Variants in LRP2 observed in about 807,000 individuals in gnomAD.
LRP2 encodes the protein low-density lipoprotein receptor-related protein 2.
LRP2 carries 172 observed loss-of-function variants against 531.0 expected under a neutral mutation model. The observed-to-expected ratio is 0.32, with a 90% CI of 0.29 to 0.37. The LOEUF is 0.37. LRP2 is among the 10% of genes least tolerant of loss of function. LRP2 has a pLI of 1.00. For missense variants in LRP2, 5,167 were observed against 5,868.3 expected, an observed-to-expected ratio of 0.88 and a Z score of 3.90; for synonymous variants, 1,992 against 2,027.6, an observed-to-expected ratio of 0.98 and a Z score of 0.47.
intron 3 of LRP2, among the ~76,000 whole-genome samples, chr2:169,311,361 C>A (rs1395064769): frequency 6.6e-6 from 1 of 152,224 alleles, no homozygotes; most frequent in East Asian, 1.9e-4. Flanking sequence ...TCCCTCTACA[C>A]ACGCTTTAAG....
intron 1 of LRP2, among the ~76,000 whole-genome samples, chr2:169,336,793 C>G (rs1044755192): frequency 1.3e-5 from 2 of 152,176 alleles, no homozygotes; most frequent in African/African-American, 2.4e-5. Context: ...TGTCCACAAC[C>G]GTTTGGCTAT....
chr2:169,204,093 T>G lies in LRP2; in HGVS notation c.7894A>C (p.Asn2632His), dbSNP rs17848169. ...ATTCCCCTGGGCTGGGAGAGCAAATTTGTGGTCATTGCAATCTGACCTGAC... is the reference window on the plus strand; with the variant it reads ...ATTCCCCTGGGCTGGGAGAGCAAATGTGTGGTCATTGCAATCTGACCTGAC... ...DGSGQIAMTT[N>H]LLSQPRGINT... is the part of the protein sequence containing the mutation. Residue 2632 changes from asparagine to histidine, a missense_variant, in exon 42 of 79, where the codon AAT becomes CAT. Physicochemically the swap from Asn to His is moderately conservative, Grantham distance 68 (BLOSUM62 1). Coordinates refer to ENST00000649046, the MANE Select transcript of LRP2 (RefSeq NM_004525.3). 15 of 1,614,034 alleles carry G rather than the reference T, an allele frequency of 9.3e-6. No individual in the cohort carries two copies. The highest frequency in any genetic ancestry group is 1.2e-5 in the Non-Finnish European group (14 of 1,180,024).
chr2:169,181,477 G>A lies in LRP2; in HGVS notation c.10140C>T (p.Tyr3380=), dbSNP rs1687428781. ...TGTAACCCAGGTGGGCATCTGCCCA[G>A]TAGAGTAGATCATTGGTGTAATCAA... is the stretch of plus-strand genomic sequence containing the variant. ...ITIDYTNDLL[Y]WADAHLGYIE... The change falls in exon 52 of 79, where the codon TAC becomes TAT. Residue 3380 remains tyrosine (Y), a synonymous_variant. Coordinates refer to ENST00000649046, the MANE Select transcript of LRP2 (RefSeq NM_004525.3). The A allele has an allele frequency of 6.2e-7, 1 of 1,614,032 alleles. No individual in the cohort carries two copies. Among genetic ancestry groups the A allele is most frequent in the African/African-American group, 1.3e-5 (1 of 74,948 alleles).
chr2:169,331,063 C>A (rs1685251616), intron 1 of LRP2, among the ~76,000 whole-genome samples: 2 of 152,124 alleles, frequency 1.3e-5, no homozygotes, highest in African/African-American at 4.8e-5. Flanking sequence ...TGGAATGCTC[C>A]ATTCCATCAC....
intron 1 of LRP2, among the ~76,000 whole-genome samples, chr2:169,328,247 A>T (rs1685165883): frequency 9.3e-6 from 1 of 107,676 alleles, no homozygotes; most frequent in Admixed American, 8.7e-5. Context: ...TGGGGGGGTC[A>T]GCGCCCCGCC....
intron 1 of LRP2, among the ~76,000 whole-genome samples, chr2:169,326,362 C>T (rs1269368590): frequency 6.6e-6 from 1 of 151,110 alleles, no homozygotes; most frequent in African/African-American, 2.4e-5. Flanking sequence ...ATTGCAGGCG[C>T]GCGCCACCAC....
intron 49 of LRP2, among the ~76,000 whole-genome samples, chr2:169,187,037 A>G (rs1004709998): frequency 2.9e-4 from 44 of 152,282 alleles, no homozygotes; most frequent in African/African-American, 9.1e-4. Flanking sequence ...CAATAGAGCA[A>G]AAGCCAGTTT....
intron 1 of LRP2, among the ~76,000 whole-genome samples, chr2:169,354,616 G>A (rs1210662651): frequency 2.6e-5 from 4 of 152,152 alleles, no homozygotes; most frequent in African/African-American, 9.7e-5. Context: ...AATCAGAAGT[G>A]TCCTAATATA....
chr2:169,350,723 C>CAAAAAAAAAA (rs35301449), intron 1 of LRP2, among the ~76,000 whole-genome samples: 1 of 68,222 alleles, frequency 1.5e-5, no homozygotes. Context: ...GACTCCATCG[C>CAAAAAAAAAA]AAAAAAAAAA....
intron 3 of LRP2, among the ~76,000 whole-genome samples, chr2:169,309,846 C>G (rs1440233073): frequency 6.6e-6 from 1 of 152,178 alleles, no homozygotes; most frequent in Non-Finnish European, 1.5e-5. Context: ...TTGATTCTTC[C>G]TATCCATAAG....
intron 3 of LRP2, among the ~76,000 whole-genome samples, chr2:169,313,590 A>C (rs1194837658): frequency 6.6e-6 from 1 of 152,132 alleles, no homozygotes; most frequent in African/African-American, 2.4e-5. Flanking sequence ...TCAGAGGGGC[A>C]CCTGGCCGTA....
At chr2:169,342,260 A>G in intron 1 of LRP2, among the ~76,000 whole-genome samples, 1 of 152,168 alleles carries the variant, frequency 6.6e-6, no homozygotes, top group East Asian at 1.9e-4. Context: ...TTGAAAAGAC[A>G]TGTCTAATAT....
In LRP2 at chr2:169,197,227, A is replaced by G. The variant is rs150117200; in HGVS notation, c.8579-197T>C. ...ACAGAAGGAAGTCAATCCTGCCCCA[A>G]TTCCCCAATTTGTTTTTCTAGATTC... is the stretch of plus-strand genomic sequence containing the variant. On this transcript the variant is annotated intron_variant, in intron 45 of 78. Transcript: ENST00000649046. Among the ~76,000 whole-genome samples the G allele has an allele frequency of 2.8e-4, 43 of 152,030 alleles. No homozygotes were observed. In the East Asian group the frequency reaches 7.4e-3, roughly 26 times the overall value.
At chr2:169,202,698 A>T (rs1380449792) in intron 43 of LRP2, 58 bp downstream of exon 43, 15 of 1,554,130 alleles carry the variant, frequency 9.7e-6, no homozygotes, top group Non-Finnish European at 9.8e-6. Context: ...TTCCATACCA[A>T]ACACTTGACA....
chr2:169,150,935 C>G lies in LRP2; in HGVS notation c.12553G>C (p.Asp4185His), dbSNP rs1686095661. The G allele has an allele frequency of 6.2e-7, 1 of 1,613,946 alleles. No individual in the cohort carries two copies. The highest frequency in any genetic ancestry group is 1.7e-5 in the Admixed American group (1 of 59,998). The change falls in exon 68 of 79, where the codon GAC becomes CAC. Residue 4185 changes from aspartate to histidine, a missense_variant. This residue lies in a region of LRP2 where 564 missense variants were observed against 747.7 expected (regional missense o/e 0.75). Transcript: ENST00000649046. The stretch of plus-strand genomic sequence containing the variant: ...TTCACAGCAATAGCAGCTGGTTGGT[C>G]CAGGTCAGTGGAAATCAGCCACTTT... ...YRKWLISTDL[D>H]QPAAIAVNPK...
rs576987890 is a variant in LRP2 at position 169,150,559 on chromosome 2, A to G, written c.12590+339T>C. On this transcript the variant is annotated intron_variant, in intron 68 of 78. Coordinates refer to ENST00000649046, the MANE Select transcript of LRP2 (RefSeq NM_004525.3). ...GGATTTCAATGAATGAGTTACTTTA[A>G]AACATCCAAATGAAAGGAAAAACAA... Among the ~76,000 whole-genome samples the G allele has an allele frequency of 2.6e-5, 4 of 152,350 alleles. No individual in the cohort carries two copies. In the East Asian group the frequency reaches 7.7e-4, roughly 29 times the overall value.
chr2:169,331,512 A>G (rs1233323897), intron 1 of LRP2, among the ~76,000 whole-genome samples: 1 of 151,496 alleles, frequency 6.6e-6, no homozygotes. Flanking sequence ...CTGGAGAGGA[A>G]CCTTCCCTAC....
At chr2:169,178,220 G>A (rs142496599) in intron 52 of LRP2, among the ~76,000 whole-genome samples, 194 bp from the exon 53 acceptor site, 1 of 152,282 alleles carries the variant, frequency 6.6e-6, no homozygotes, top group African/African-American at 2.4e-5. Flanking sequence ...AACAAAAGAT[G>A]TAGAAGTGAA....
intron 3 of LRP2, among the ~76,000 whole-genome samples, chr2:169,318,288 G>C (rs1022424165): frequency 2.6e-5 from 4 of 151,840 alleles, no homozygotes; most frequent in Non-Finnish European, 5.9e-5. Context: ...CCCTATGGTG[G>C]CTGTGGCAGC....
Sources: gnomAD v4.1 joint callset for allele counts (sites outside exome capture counted in the v4.1 genomes callset) on GRCh38, gnomAD v4.1.1 for gene constraint, gnomAD v4.1.1 regional missense constraint, MANE v1.5 for transcripts, NCBI Gene and HGNC (gene_info 2026-07-23, HGNC 2026-07-21) for gene names.